The following GALNT14 variants were observed in gnomAD, a reference collection of about 807,000 sequenced individuals.
The protein encoded by GALNT14 is polypeptide N-acetylgalactosaminyltransferase 14, also known as UDP-GalNAc:polypeptide N-acetylgalactosaminyltransferase 14.
GALNT14 carries 60 observed loss-of-function variants against 77.5 expected under a neutral mutation model. That is an observed-to-expected ratio of 0.77 (90% CI 0.63 to 0.96). The LOEUF (loss-of-function observed/expected upper bound fraction) is 0.96, where lower values mean the gene tolerates loss of function less well. GALNT14 is among the 40% of genes least tolerant of loss of function. The probability of loss-of-function intolerance (pLI) is 0.00; values close to 1 mark genes in which losing one functional copy is unlikely to be tolerated. For missense variants in GALNT14, 710 were observed against 731.0 expected (o/e 0.97, Z 0.33); for synonymous variants, 280 against 281.7 (o/e 0.99, Z 0.06).
intron 1 of GALNT14, among the ~76,000 whole-genome samples, chr2:31,111,264 A>G (rs1261037055): frequency 2.0e-5 from 3 of 152,154 alleles, no homozygotes; most frequent in Non-Finnish European, 2.9e-5. Flanking sequence ...GCAAGCTTCA[A>G]TGACACCAGG....
intron 1 of GALNT14, among the ~76,000 whole-genome samples, chr2:31,060,497 C>A (rs887720630): frequency 6.6e-6 from 1 of 152,222 alleles, no homozygotes; most frequent in Admixed American, 6.5e-5. Context: ...TCTGAATAGA[C>A]TGAATCAGCC....
chr2:30,904,489 T>G, the GALNT14 span, among the ~76,000 whole-genome samples: 21 of 152,188 alleles, frequency 1.4e-4, no homozygotes, highest in Non-Finnish European at 3.1e-4. Flanking sequence ...ACCCGAATAC[T>G]GCGCTTTTCC....
At chr2:30,960,524 A>G (rs968955219) in intron 3 of GALNT14, among the ~76,000 whole-genome samples, 1 of 152,210 alleles carries the variant, frequency 6.6e-6, no homozygotes, top group Non-Finnish European at 1.5e-5. Context: ...GTGAGTGCTA[A>G]TTAGACCATT....
At chr2:31,129,609 C>A (rs1678879239) in intron 1 of GALNT14, 12 of 985,206 alleles carry the variant, frequency 1.2e-5, no homozygotes, top group Non-Finnish European at 1.4e-5. Context: ...ATACAGGCAC[C>A]AGCTAATTTT....
intron 1 of GALNT14, among the ~76,000 whole-genome samples, chr2:31,008,003 T>G (rs547414523): frequency 2.0e-5 from 3 of 152,300 alleles, no homozygotes; most frequent in African/African-American, 7.2e-5. Context: ...GCTGTGAGAA[T>G]GGCCAAGGTC....
chr2:31,105,074 C>T (rs1183546855), intron 1 of GALNT14, among the ~76,000 whole-genome samples: 4 of 152,202 alleles, frequency 2.6e-5, no homozygotes, highest in Non-Finnish European at 5.9e-5. Flanking sequence ...ATTCTCTCTA[C>T]ATTTATCAGT....
intron 1 of GALNT14, among the ~76,000 whole-genome samples, chr2:31,043,308 T>G (rs1422373389): frequency 1.3e-5 from 2 of 152,228 alleles, no homozygotes; most frequent in African/African-American, 4.8e-5. Context: ...TACTTAGCAT[T>G]TACCTTTTTC....
chr2:31,032,127 C>T (rs555090460), intron 1 of GALNT14, among the ~76,000 whole-genome samples: 177 of 152,314 alleles, frequency 1.2e-3, no homozygotes, highest in Non-Finnish European at 2.1e-3. Flanking sequence ...TCCTTGAGGC[C>T]TACGGTAATG....
intron 1 of GALNT14, among the ~76,000 whole-genome samples, chr2:31,037,914 C>T (rs1300360838): frequency 1.3e-5 from 2 of 151,400 alleles, no homozygotes; most frequent in Non-Finnish European, 2.9e-5. Flanking sequence ...AAGATTAGAT[C>T]CTTCTTAGGG....
chr2:31,021,042 T>C (rs1383118951), intron 1 of GALNT14, among the ~76,000 whole-genome samples: 1 of 152,068 alleles, frequency 6.6e-6, no homozygotes, highest in African/African-American at 2.4e-5. Flanking sequence ...TCTTAATCAA[T>C]TGCCAATGGG....
the GALNT14 span, among the ~76,000 whole-genome samples, chr2:30,890,291 A>T: frequency 6.6e-6 from 1 of 152,146 alleles, no homozygotes; most frequent in Non-Finnish European, 1.5e-5. Flanking sequence ...AATTTCAGGG[A>T]AGCAGTGGGA....
intron 1 of GALNT14, among the ~76,000 whole-genome samples, chr2:31,100,664 G>A (rs11677760): frequency 0.048 from 7,293 of 151,078 alleles, 313 homozygotes; most frequent in African/African-American, 0.12. Flanking sequence ...TAAGCATAAT[G>A]CTGGCTTATA....
At chr2:31,034,133 C>T (rs1269009586) in intron 1 of GALNT14, among the ~76,000 whole-genome samples, 1 of 152,140 alleles carries the variant, frequency 6.6e-6, no homozygotes, top group African/African-American at 2.4e-5. Context: ...TCCTTTGTGA[C>T]TTCTCAGACC....
At chr2:30,908,296 G>T (rs1448645952), downstream of GALNT14, among the ~76,000 whole-genome samples, 3 of 152,200 alleles carry the variant, frequency 2.0e-5, no homozygotes, top group Non-Finnish European at 4.4e-5. Flanking sequence ...TGACATGATT[G>T]TATATCTAGA....
At chr2:31,002,449 C>T (rs1180507370) in intron 1 of GALNT14, among the ~76,000 whole-genome samples, 1 of 151,690 alleles carries the variant, frequency 6.6e-6, no homozygotes, top group Non-Finnish European at 1.5e-5. Context: ...AAAGTGAACT[C>T]ACTACTGAGA....
At chr2:31,005,402 G>C (rs1041871934) in intron 1 of GALNT14, among the ~76,000 whole-genome samples, 1 of 152,112 alleles carries the variant, frequency 6.6e-6, no homozygotes, top group Non-Finnish European at 1.5e-5. Flanking sequence ...TCAGAACCTC[G>C]TGGTCAGTTT....
At chr2:30,936,422 CAA>C (rs1228945965) in intron 9 of GALNT14, among the ~76,000 whole-genome samples, 1 of 152,122 alleles carries the variant, frequency 6.6e-6, no homozygotes, top group East Asian at 1.9e-4. Context: ...TAAACAAAGG[CAA>C]AGAGAATTAT....
chr2:31,028,098 C>T (rs981958557), intron 1 of GALNT14, among the ~76,000 whole-genome samples: 2 of 152,156 alleles, frequency 1.3e-5, no homozygotes, highest in African/African-American at 4.8e-5. Context: ...TAATGATTCC[C>T]ATCGTTCTCA....
chr2:30,970,521 C>G (rs533871040), intron 2 of GALNT14, among the ~76,000 whole-genome samples: 3 of 152,124 alleles, frequency 2.0e-5, no homozygotes, highest in Admixed American at 2.0e-4. Context: ...CCGGCCCGCA[C>G]GCCAGGTTCA....
Sources: allele counts gnomAD v4.1 joint callset (sites outside exome capture counted in the v4.1 genomes callset), GRCh38; gene constraint gnomAD v4.1.1; transcripts MANE v1.5; gene names NCBI Gene and HGNC (gene_info 2026-07-23, HGNC 2026-07-21).